TIMD4: variants seen among roughly 807,000 people sequenced by gnomAD.
The protein encoded by TIMD4 is T cell immunoglobulin and mucin domain containing 4.
In TIMD4, 31 loss-of-function variants were observed where a neutral mutation model predicts 41.2. The ratio of observed to expected loss-of-function variants is 0.75; its 90% CI spans 0.57 to 1.01. The LOEUF is 1.01. TIMD4 is among the 50% of genes least tolerant of loss of function. The pLI is 0.00. For synonymous variants in TIMD4, 204 were observed against 177.1 expected (o/e 1.15, Z -1.21); for missense variants, 479 against 472.5 (o/e 1.01, Z -0.13).
intron 2 of TIMD4, 108 bp from the exon 3 acceptor site, chr5:156,951,898 C>T (rs1322710489): frequency 7.6e-6 from 11 of 1,445,274 alleles, no homozygotes; most frequent in Non-Finnish European, 1.0e-5. Flanking sequence ...ACCTGGTCCA[C>T]TGGCCTGGAC....
At chr5:156,961,808 C>CTAAAAAAAAAAAAAAAAAAAAAAAAAAA (rs1753058962) in intron 1 of TIMD4, among the ~76,000 whole-genome samples, 1 of 27,962 alleles carries the variant, frequency 3.6e-5, no homozygotes, top group African/African-American at 8.6e-5. Flanking sequence ...GACTCCGTCT[C>CTAAAAAAAAAAAAAAAAAAAAAAAAAAA]AAAAAAAAAA....
intron 5 of TIMD4, among the ~76,000 whole-genome samples, chr5:156,934,084 T>C (rs1759495278): frequency 6.6e-6 from 1 of 152,204 alleles, no homozygotes; most frequent in African/African-American, 2.4e-5. Context: ...GCATTACAAT[T>C]TTAGACAAGA....
intron 2 of TIMD4, among the ~76,000 whole-genome samples, chr5:156,952,055 C>T (rs1231880842): frequency 1.3e-5 from 2 of 151,896 alleles, no homozygotes; most frequent in Admixed American, 6.6e-5. Context: ...TTTGGGAGGC[C>T]GAGGCGGGTG....
chr5:156,951,948 C>G (rs1240599162), intron 2 of TIMD4, among the ~76,000 whole-genome samples, 158 bp from the exon 3 acceptor site: 1 of 152,096 alleles, frequency 6.6e-6, no homozygotes, highest in African/African-American at 2.4e-5. Flanking sequence ...CTGCCCCCAC[C>G]CTGACATGTT....
chr5:156,927,788 C>T (rs1219165207), intron 5 of TIMD4, among the ~76,000 whole-genome samples: 1 of 152,134 alleles, frequency 6.6e-6, no homozygotes, highest in Non-Finnish European at 1.5e-5. Context: ...TCCACTAAGA[C>T]TGAGAACAGG....
intron 8 of TIMD4, 55 bp downstream of exon 8, chr5:156,920,409 C>A: frequency 1.3e-6 from 2 of 1,577,774 alleles, no homozygotes; most frequent in South Asian, 2.2e-5. Flanking sequence ...AGTAGCTAAT[C>A]ATTTGTAACA....
rs1186328860 is a variant in TIMD4, at chr5:156,949,676, A to G, written c.735T>C (p.Ala245=). 2 of 1,613,380 alleles carry G rather than the reference A, an allele frequency of 1.2e-6. No homozygotes were observed. Among genetic ancestry groups the G allele is most frequent in the African/African-American group, 2.7e-5 (2 of 74,916 alleles). Residue 245 remains alanine, a synonymous_variant, in exon 4 of 9, where the codon GCT becomes GCC. Transcript: ENST00000274532. The part of the protein sequence containing the change: ...DSWSSVESTS[A]DTVLLTSKES... ...CTTTGGATGTCAGCAGGACAGTGTC[A>G]GCAGAAGTAGACTCAACACTACTCC...
chr5:156,946,653 A>ATT lies in TIMD4; in HGVS notation c.844+1761_844+1762dup, dbSNP rs757799060. On this transcript the variant is annotated intron_variant, in intron 5 of 8. Coordinates refer to ENST00000274532, the MANE Select transcript of TIMD4 (RefSeq NM_138379.3). ...CACCACGTCCACCTAATTTTTTTGT[A>ATT]TTTTTTTTTTTTTAGTAGAGACGGG... Among the ~76,000 whole-genome samples, 172 of 139,792 alleles carry ATT rather than the reference A, an allele frequency of 1.2e-3. 1 individual carries two copies. Among genetic ancestry groups the ATT allele is most frequent in the African/African-American group, 4.4e-3 (167 of 38,214 alleles). 91.7% of individuals were successfully genotyped at this position (139,792 alleles called of 152,430 possible).
In TIMD4 at chr5:156,937,886, A is replaced by T. The variant is rs991844668; in HGVS notation, c.844+10530T>A. On this transcript the variant is annotated intron_variant, in intron 5 of 8. Coordinates refer to ENST00000274532, the MANE Select transcript of TIMD4 (RefSeq NM_138379.3). ...AGCACTGGGCATGAGAGATAAAACA[A>T]ATCTGTTAATACCTCATGAAAGATG... 2.0e-5 allele frequency among the ~76,000 whole-genome samples: 3 copies of T among 152,332 alleles called. No homozygotes were observed. In the East Asian group the frequency reaches 5.8e-4, roughly 29 times the overall value.
intron 5 of TIMD4, 139 bp from the exon 6 acceptor site, chr5:156,926,451 C>G: frequency 1.3e-6 from 1 of 780,752 alleles, no homozygotes; most frequent in Non-Finnish European, 2.0e-6. Flanking sequence ...TTTGTATAAT[C>G]TATTTATGCA....
At chr5:156,932,153 G>A (rs1561546197) in intron 5 of TIMD4, among the ~76,000 whole-genome samples, 2 of 152,184 alleles carry the variant, frequency 1.3e-5, no homozygotes, top group African/African-American at 4.8e-5. Context: ...CTGCTTTCAA[G>A]TAGAAATATC....
intron 5 of TIMD4, among the ~76,000 whole-genome samples, chr5:156,927,551 T>C (rs146861929): frequency 1.2e-4 from 19 of 152,290 alleles, no homozygotes; most frequent in Non-Finnish European, 2.5e-4. Flanking sequence ...TGTTTAAGCA[T>C]GATATGGTCC....
intron 8 of TIMD4, among the ~76,000 whole-genome samples, chr5:156,920,069 C>A (rs1244647000): frequency 6.6e-6 from 1 of 152,174 alleles, no homozygotes; most frequent in African/African-American, 2.4e-5. Context: ...GCAGAGGAAC[C>A]AACTCCCAGG....
intron 6 of TIMD4, among the ~76,000 whole-genome samples, chr5:156,925,331 C>T (rs1038617321): frequency 7.2e-5 from 11 of 152,156 alleles, no homozygotes; most frequent in Non-Finnish European, 1.3e-4. Context: ...AACTGCTGCT[C>T]TGCAGGCAGG....
intron 2 of TIMD4, among the ~76,000 whole-genome samples, 168 bp downstream of exon 2, chr5:156,954,247 G>A (rs904072360): frequency 2.0e-5 from 3 of 152,126 alleles, no homozygotes; most frequent in Non-Finnish European, 4.4e-5. Context: ...TTCTGTGGCT[G>A]CTTTTGTATT....
rs1363806408 is a variant in TIMD4, at chr5:156,954,592, T to C, written c.223A>G (p.Arg75Gly). 2 of 1,614,134 alleles carry C rather than the reference T, an allele frequency of 1.2e-6. No homozygotes were observed. The highest frequency in any genetic ancestry group is 2.7e-5 in the African/African-American group (2 of 74,948). ...KEALIRTDGMRVTSRKSAKYR... is the reference protein window; with the variant it reads ...KEALIRTDGMGVTSRKSAKYR... ...TTTGCTGACTTTCTTGAGGTCACCC[T>C]CATTCCATCAGTGCGGATGAGCGCC... Residue 75 changes from arginine (R) to glycine (G), a missense_variant, in exon 2 of 9, where the codon AGG becomes GGG. Coordinates refer to ENST00000274532, the MANE Select transcript of TIMD4 (RefSeq NM_138379.3).
At chr5:156,925,767 G>T (rs563468183) in intron 6 of TIMD4, among the ~76,000 whole-genome samples, 1 of 152,262 alleles carries the variant, frequency 6.6e-6, no homozygotes, top group African/African-American at 2.4e-5. Context: ...AACAATCAAG[G>T]TTATTTCTGC....
chr5:156,928,874 A>G (rs1336408706), intron 5 of TIMD4, among the ~76,000 whole-genome samples: 2 of 152,232 alleles, frequency 1.3e-5, no homozygotes, highest in African/African-American at 4.8e-5. Flanking sequence ...CTGTTGTATT[A>G]CAATCATTTG....
chr5:156,919,737 G>T (rs1759200122), intron 8 of TIMD4, among the ~76,000 whole-genome samples, 196 bp from the exon 9 acceptor site: 1 of 152,150 alleles, frequency 6.6e-6, no homozygotes, highest in African/African-American at 2.4e-5. Flanking sequence ...CCATTATAAT[G>T]AGATAAAAAA....
Sources: allele counts gnomAD v4.1 joint callset (sites outside exome capture counted in the v4.1 genomes callset), GRCh38; gene constraint gnomAD v4.1.1; transcripts MANE v1.5; gene names NCBI Gene and HGNC (gene_info 2026-07-23, HGNC 2026-07-21).